The following DGKB variants were observed in gnomAD, a reference collection of about 807,000 sequenced individuals.
DGKB encodes 90 kDa diacylglycerol kinase.
In DGKB, 67 loss-of-function variants were observed where a neutral mutation model predicts 114.3. That is an observed-to-expected ratio of 0.59 (90% confidence interval 0.48 to 0.72). The LOEUF (loss-of-function observed/expected upper bound fraction) is 0.72, where lower values mean the gene tolerates loss of function less well. Ranked by LOEUF, DGKB falls within the 30% of genes least tolerant of loss-of-function variation. The probability of loss-of-function intolerance (pLI) is 0.00; values close to 1 mark genes in which losing one functional copy is unlikely to be tolerated. For synonymous variants in DGKB, 398 were observed against 323.1 expected (o/e 1.23, Z -2.49); for missense variants, 907 against 975.2 (o/e 0.93, Z 0.93).
At chr7:14,817,125 T>A (rs1242576927) in intron 2 of DGKB, among the ~76,000 whole-genome samples, 1 of 152,198 alleles carries the variant, frequency 6.6e-6, no homozygotes, top group African/African-American at 2.4e-5. Context: ...CATCTCCAGG[T>A]TATTTTGATT....
chr7:14,298,779 T>G lies in DGKB; in HGVS notation c.2122+39736A>C, dbSNP rs897589780. On this transcript the variant is annotated intron_variant, in intron 23 of 25. Transcript: ENST00000402815. ...CAACCTACAGAATGGCAGAAAACTT[T>G]TGCAATCTATCCATCTGACAAAGGG... Among the ~76,000 whole-genome samples, 10 of 152,302 alleles carry G rather than the reference T, an allele frequency of 6.6e-5. No homozygotes were observed. In the East Asian group the frequency reaches 1.2e-3, roughly 18 times the overall value.
At position 14,536,926 on chromosome 7, in the gene DGKB, A is replaced by C. The variant is rs568832046; in HGVS notation, c.1770+37286T>G. On this transcript the variant is annotated intron_variant, in intron 20 of 25. Transcript: ENST00000402815. ...TGGTGGCATTATATAAGAAAACTGTAAAAACCTCAAAACTGAGGGAATTAA... is the reference window on the plus strand; with the variant it reads ...TGGTGGCATTATATAAGAAAACTGTCAAAACCTCAAAACTGAGGGAATTAA... 4.6e-5 allele frequency among the ~76,000 whole-genome samples: 7 copies of C among 152,276 alleles called. No homozygotes were observed. The South Asian group carries it at 1.4e-3, about 32-fold the overall frequency.
intron 2 of DGKB, among the ~76,000 whole-genome samples, chr7:14,795,984 C>G (rs1020198272): frequency 2.0e-5 from 3 of 152,218 alleles, no homozygotes; most frequent in East Asian, 3.9e-4. Context: ...GAGGATAAGA[C>G]ATCAGTTTGA....
At chr7:14,313,328 A>C (rs1805745167) in intron 23 of DGKB, among the ~76,000 whole-genome samples, 2 of 152,134 alleles carry the variant, frequency 1.3e-5, no homozygotes, top group Admixed American at 6.5e-5. Context: ...GCGACGCAGA[A>C]GACGGGTGAT....
chr7:14,532,194 A>G (rs1791704081), intron 20 of DGKB, among the ~76,000 whole-genome samples: 1 of 151,308 alleles, frequency 6.6e-6, no homozygotes, highest in Non-Finnish European at 1.5e-5. Context: ...GCTCAGAAAA[A>G]TAAATTAAAC....
chr7:14,738,387 A>C (rs571247602), intron 4 of DGKB, among the ~76,000 whole-genome samples: 1 of 152,328 alleles, frequency 6.6e-6, no homozygotes, highest in East Asian at 1.9e-4. Context: ...ACAGATGATA[A>C]GGGGCATGGT....
At chr7:14,528,410 G>A (rs1790993332) in intron 20 of DGKB, among the ~76,000 whole-genome samples, 2 of 151,962 alleles carry the variant, frequency 1.3e-5, no homozygotes, top group African/African-American at 4.8e-5. Flanking sequence ...GGTAATTATT[G>A]ACCATTTAAG....
intron 2 of DGKB, among the ~76,000 whole-genome samples, chr7:14,803,887 T>C (rs1205677476): frequency 1.3e-5 from 2 of 152,162 alleles, no homozygotes; most frequent in Non-Finnish European, 2.9e-5. Flanking sequence ...TTATTACTGT[T>C]CTAAAAGATA....
chr7:14,260,416 T>A (rs935213191), intron 23 of DGKB, among the ~76,000 whole-genome samples: 11 of 152,204 alleles, frequency 7.2e-5, no homozygotes, highest in Non-Finnish European at 1.5e-4. Context: ...AGTTACTATC[T>A]TGTGTTAGCA....
At chr7:14,759,081 T>G (rs552333951) in intron 2 of DGKB, among the ~76,000 whole-genome samples, 1 of 152,210 alleles carries the variant, frequency 6.6e-6, no homozygotes, top group South Asian at 2.1e-4. Context: ...CTTACCACCA[T>G]GCCTGGCTAA....
intron 1 of DGKB, among the ~76,000 whole-genome samples, chr7:14,849,044 T>C (rs574715051): frequency 6.6e-6 from 1 of 152,222 alleles, no homozygotes; most frequent in Admixed American, 6.5e-5. Flanking sequence ...GGTGTTTGTT[T>C]CCTAGTGAAG....
intron 1 of DGKB, among the ~76,000 whole-genome samples, chr7:14,877,029 A>G (rs1256737116): frequency 2.6e-5 from 4 of 152,242 alleles, no homozygotes; most frequent in Admixed American, 6.5e-5. Context: ...GCTACGAAGA[A>G]GCACTAAATA....
Position 14,149,184 on chromosome 7 carries a change from T to G in DGKB, c.2359A>C (p.Thr787Pro), listed in dbSNP as rs563884523. Residue 787 changes from threonine (T) to proline (P), a missense_variant, in exon 26 of 26, where the codon ACC becomes CCC. This residue lies in a region of DGKB where 58 missense variants were observed against 52.5 expected (regional missense o/e 1.10). Transcript: ENST00000402815. ...TTGACGAGGGAGCAGAATAAACCGGTTTTTGGAGGCGGGCCCATCAGCATT... is the reference window on the plus strand; with the variant it reads ...TTGACGAGGGAGCAGAATAAACCGGGTTTTGGAGGCGGGCCCATCAGCATT... ...APMLMGPPPK[T>P]GLFCSLVKRT... 1 of 1,613,102 alleles carries G rather than the reference T, an allele frequency of 6.2e-7. No individual in the cohort carries two copies. The highest frequency in any genetic ancestry group is 1.1e-5 in the South Asian group (1 of 91,040).
chr7:14,715,993 C>T (rs949845672), intron 6 of DGKB, among the ~76,000 whole-genome samples: 1 of 152,020 alleles, frequency 6.6e-6, no homozygotes, highest in African/African-American at 2.4e-5. Flanking sequence ...TGGAAAGTGG[C>T]GGGAGGCACT....
chr7:14,613,530 A>C, intron 15 of DGKB, 117 bp from the exon 16 acceptor site: 2 of 646,330 alleles, frequency 3.1e-6, no homozygotes, highest in Admixed American at 2.5e-5. Flanking sequence ...ATTACTTTCC[A>C]CAATGTGTGT....
intron 1 of DGKB, among the ~76,000 whole-genome samples, chr7:14,842,090 T>C (rs1252791963): frequency 6.6e-6 from 1 of 152,192 alleles, no homozygotes; most frequent in East Asian, 1.9e-4. Context: ...TGAAAAACCA[T>C]CTGGTTTCAA....
intron 2 of DGKB, among the ~76,000 whole-genome samples, chr7:14,829,396 GA>G (rs1335716650): frequency 6.6e-6 from 1 of 152,146 alleles, no homozygotes; most frequent in Non-Finnish European, 1.5e-5. Context: ...GTCGGGAAAA[GA>G]AGTCACACAC....
chr7:14,183,607 C>G (rs897700475), intron 23 of DGKB, among the ~76,000 whole-genome samples: 1 of 152,190 alleles, frequency 6.6e-6, no homozygotes, highest in East Asian at 1.9e-4. Context: ...TTAAGACTCT[C>G]AACAGTCCTT....
At chr7:14,218,516 CTT>C (rs1458409386) in intron 23 of DGKB, among the ~76,000 whole-genome samples, 1 of 152,056 alleles carries the variant, frequency 6.6e-6, no homozygotes, top group East Asian at 1.9e-4. Context: ...AACAAAAGCT[CTT>C]TTTGTGCTTT....
Sources: gnomAD v4.1 joint callset for allele counts (sites outside exome capture counted in the v4.1 genomes callset) on GRCh38, gnomAD v4.1.1 for gene constraint, gnomAD v4.1.1 regional missense constraint, MANE v1.5 for transcripts, NCBI Gene and HGNC (gene_info 2026-07-23, HGNC 2026-07-21) for gene names.